Variants in SLC4A4 observed in about 807,000 individuals in gnomAD.
SLC4A4 encodes the protein electrogenic sodium bicarbonate cotransporter 1.
A neutral mutation model predicts 111.5 loss-of-function variants in SLC4A4; 27 were observed. The ratio of observed to expected loss-of-function variants is 0.24; its 90% CI spans 0.18 to 0.33. SLC4A4 has a LOEUF of 0.33. SLC4A4 is among the 10% of genes least tolerant of loss of function. SLC4A4 has a pLI of 1.00. For missense variants in SLC4A4, 909 were observed against 1,315.5 expected (o/e 0.69, Z 4.78); for synonymous variants, 443 against 463.4 (o/e 0.96, Z 0.57).
intron 13 of SLC4A4, among the ~76,000 whole-genome samples, chr4:71,468,297 T>C (rs148965465): frequency 9.0e-4 from 137 of 152,196 alleles, no homozygotes; most frequent in Admixed American, 1.8e-3. Context: ...TAAACAAGGA[T>C]GTACTATAAA....
At position 71,451,169 on chromosome 4, in the gene SLC4A4, G is replaced by C; in HGVS notation, c.1209-19G>C. On this transcript the variant is annotated intron_variant, in intron 10 of 25. Coordinates refer to ENST00000264485, the MANE Select transcript of SLC4A4 (RefSeq NM_001098484.3). ...ATAAAATAAACTAATATACTCTTGG[G>C]CTCTGTTGTCTTGCTTAGAAAGAAT... 6.9e-7 allele frequency: 1 copy of C among 1,439,582 alleles called. No individual in the cohort carries two copies. Among genetic ancestry groups the C allele is most frequent in the South Asian group, 1.1e-5 (1 of 87,642 alleles). 89.2% of individuals were successfully genotyped at this position (1,439,582 alleles called of 1,614,324 possible). A position where few individuals can be genotyped will look rare whatever the true frequency, so the allele number is the denominator to read the frequency against.
intron 1 of SLC4A4, among the ~76,000 whole-genome samples, chr4:71,200,715 G>A (rs1746209727): frequency 6.6e-6 from 1 of 152,110 alleles, no homozygotes; most frequent in South Asian, 2.1e-4. Context: ...TAGATGACGG[G>A]TTGATGGGTG....
intron 1 of SLC4A4, among the ~76,000 whole-genome samples, chr4:71,083,646 T>G (rs1742056803): frequency 6.6e-6 from 1 of 151,734 alleles, no homozygotes; most frequent in Admixed American, 6.6e-5. Flanking sequence ...GCTCTAAGGG[T>G]TGATATGAGG....
intron 15 of SLC4A4, among the ~76,000 whole-genome samples, chr4:71,490,694 G>A (rs1429606700): frequency 6.6e-6 from 1 of 151,750 alleles, no homozygotes; most frequent in African/African-American, 2.4e-5. Context: ...TAGCTTTCCT[G>A]TCCAACCCCC....
intron 6 of SLC4A4, among the ~76,000 whole-genome samples, chr4:71,391,092 C>T (rs1578991730): frequency 6.6e-6 from 1 of 152,040 alleles, no homozygotes; most frequent in African/African-American, 2.4e-5. Context: ...AAAACATTAA[C>T]ATACATTATT....
chr4:71,450,459 A>G lies in SLC4A4; in HGVS notation c.1124A>G (p.Asp375Gly). The G allele has an allele frequency of 6.2e-7, 1 of 1,613,360 alleles. No homozygotes were observed. The highest frequency in any genetic ancestry group is 8.5e-7 in the Non-Finnish European group (1 of 1,179,342). ...ATTGCTGGTATTGATGAGTTCCTAGATGAAGTCATCGTCCTTCCACCTGGG... is the reference window on the plus strand; with the variant it reads ...ATTGCTGGTATTGATGAGTTCCTAGGTGAAGTCATCGTCCTTCCACCTGGG... ...DLIAGIDEFL[D>G]EVIVLPPGEW... The change falls in exon 10 of 26, where the codon GAT becomes GGT. Residue 375 changes from aspartate (D) to glycine (G), a missense_variant. Transcript: ENST00000264485.
chr4:71,245,647 A>T (rs1304810284), intron 2 of SLC4A4, among the ~76,000 whole-genome samples: 2 of 152,124 alleles, frequency 1.3e-5, no homozygotes, highest in Non-Finnish European at 2.9e-5. Context: ...GAGATACCGC[A>T]GTAGAACTCT....
At chr4:71,246,627 G>A (rs1366164221) in intron 2 of SLC4A4, among the ~76,000 whole-genome samples, 2 of 152,260 alleles carry the variant, frequency 1.3e-5, no homozygotes, top group Middle Eastern at 6.8e-3. Flanking sequence ...TAAGGGTGGT[G>A]GATTTCAATT....
chr4:71,545,199 C>G (rs547375176), intron 18 of SLC4A4, among the ~76,000 whole-genome samples: 6 of 152,078 alleles, frequency 3.9e-5, no homozygotes, highest in South Asian at 2.1e-4. Context: ...CTTTCTTGTA[C>G]TAGCTCCCTT....
intron 1 of SLC4A4, among the ~76,000 whole-genome samples, chr4:71,209,163 C>A (rs62304061): frequency 0.12 from 18,095 of 152,174 alleles, 1,759 homozygotes; most frequent in African/African-American, 0.25. Context: ...TCCCCCCATG[C>A]TCAATATAAT....
intron 1 of SLC4A4, among the ~76,000 whole-genome samples, chr4:71,229,018 A>T (rs1402931020): frequency 6.6e-6 from 1 of 152,208 alleles, no homozygotes; most frequent in African/African-American, 2.4e-5. Context: ...TACTGAATAG[A>T]GCCAACCACA....
chr4:71,200,829 G>A (rs1444455034), intron 1 of SLC4A4, among the ~76,000 whole-genome samples: 5 of 152,046 alleles, frequency 3.3e-5, no homozygotes, highest in African/African-American at 9.7e-5. Context: ...AGGATGAGTG[G>A]TGAGCACAGC....
intron 3 of SLC4A4, among the ~76,000 whole-genome samples, chr4:71,272,111 A>G (rs1722744769): frequency 6.6e-6 from 1 of 152,174 alleles, no homozygotes; most frequent in Non-Finnish European, 1.5e-5. Context: ...AAGTATATAT[A>G]ATCTTCTAGT....
At chr4:71,146,141 T>C (rs1251774912) in intron 2 of SLC4A4, among the ~76,000 whole-genome samples, 3 of 152,230 alleles carry the variant, frequency 2.0e-5, no homozygotes, top group Non-Finnish European at 4.4e-5. Flanking sequence ...GATTCTGGTA[T>C]GTTGTGTCTT....
intron 3 of SLC4A4, among the ~76,000 whole-genome samples, chr4:71,274,256 T>A (rs1722909692): frequency 6.6e-6 from 1 of 152,326 alleles, no homozygotes; most frequent in Non-Finnish European, 1.5e-5. Flanking sequence ...GTTTTCACTG[T>A]CGTCATCTTG....
intron 14 of SLC4A4, among the ~76,000 whole-genome samples, chr4:71,482,611 C>G (rs1008860725): frequency 1.3e-5 from 2 of 151,568 alleles, no homozygotes; most frequent in South Asian, 2.1e-4. Flanking sequence ...GACCTTCAAA[C>G]TCTCGTGACA....
intron 1 of SLC4A4, among the ~76,000 whole-genome samples, chr4:71,073,795 G>A (rs1741731327): frequency 6.6e-6 from 1 of 152,036 alleles, no homozygotes; most frequent in African/African-American, 2.4e-5. Flanking sequence ...AGAAAATCCA[G>A]AAAAGGCCGG....
In SLC4A4 at chr4:71,421,963, A is replaced by C. The variant is rs544228700; in HGVS notation, c.808-18653A>C. On this transcript the variant is annotated intron_variant, in intron 7 of 25. Coordinates refer to ENST00000264485, the MANE Select transcript of SLC4A4 (RefSeq NM_001098484.3). Reference sequence around the variant, plus strand: ...AGAGCAAACACATTCAAAAGCTAGCAGAAGGCAAGAAATAACTAAGATCAG... The same window carrying C: ...AGAGCAAACACATTCAAAAGCTAGCCGAAGGCAAGAAATAACTAAGATCAG... 7.9e-4 allele frequency among the ~76,000 whole-genome samples: 120 copies of C among 152,318 alleles called. 1 individual carries two copies. The highest frequency in any genetic ancestry group is 2.4e-3 in the African/African-American group (100 of 41,570).
At chr4:71,331,739 A>G (rs1728013276) in intron 3 of SLC4A4, among the ~76,000 whole-genome samples, 1 of 152,050 alleles carries the variant, frequency 6.6e-6, no homozygotes, top group Admixed American at 6.6e-5. Flanking sequence ...GAAAAAAAAA[A>G]AAAAAGAAAT....
Sources: gnomAD v4.1 joint callset for allele counts (sites outside exome capture counted in the v4.1 genomes callset) on GRCh38, gnomAD v4.1.1 for gene constraint, MANE v1.5 for transcripts, NCBI Gene and HGNC (gene_info 2026-07-23, HGNC 2026-07-21) for gene names.